Variants in SEPTIN9 observed in about 807,000 individuals in gnomAD.
The protein encoded by SEPTIN9 is septin-9.
A neutral mutation model predicts 56.6 loss-of-function variants in SEPTIN9; 13 were observed. That is an observed-to-expected ratio of 0.23 (90% CI 0.15 to 0.37). SEPTIN9 has a LOEUF of 0.37. SEPTIN9 is among the 10% of genes least tolerant of loss of function. The pLI, the probability that SEPTIN9 is intolerant of heterozygous loss-of-function variation, is 1.00. For synonymous variants in SEPTIN9, 332 were observed against 334.1 expected (o/e 0.99, Z 0.07); for missense variants, 650 against 823.1 (o/e 0.79, Z 2.57).
chr17:77,359,041 C>T (rs191135944), intron 2 of SEPTIN9, among the ~76,000 whole-genome samples: 1 of 152,302 alleles, frequency 6.6e-6, no homozygotes, highest in East Asian at 1.9e-4. Flanking sequence ...TGTCTGCACT[C>T]CAGCCAGAGG....
chr17:77,365,851 A>C (rs979870801), intron 2 of SEPTIN9, among the ~76,000 whole-genome samples: 2 of 152,152 alleles, frequency 1.3e-5, no homozygotes, highest in African/African-American at 4.8e-5. Context: ...CTTTGAAAAT[A>C]AATGCTTTCT....
Position 77,450,640 on chromosome 17 carries a change from C to A in SEPTIN9, c.722-31504C>A. 2.0e-6 allele frequency: 2 copies of A among 985,918 alleles called. No individual in the cohort carries two copies. The highest frequency in any genetic ancestry group is 2.4e-6 in the Non-Finnish European group (2 of 830,346). 61.1% of individuals were successfully genotyped at this position (985,918 alleles called of 1,614,324 possible). A position where few individuals can be genotyped will look rare whatever the true frequency, so the allele number is the denominator to read the frequency against. On this transcript the variant is annotated intron_variant, in intron 3 of 11. Transcript: ENST00000427177. The surrounding 1 kb of genome is among the most constrained non-coding windows in gnomAD (Gnocchi z 6.0). ...TCTGGGGACCCCCTTGCTTGTGCCC[C>A]TCTGGGTCCCAGCACATCCCAGGCC...
intron 3 of SEPTIN9, among the ~76,000 whole-genome samples, chr17:77,455,672 G>A (rs1220469956): frequency 6.6e-6 from 1 of 152,202 alleles, no homozygotes; most frequent in African/African-American, 2.4e-5. Flanking sequence ...GGTTGATGGT[G>A]CCGTCTCTCT....
At position 77,415,207 on chromosome 17, in the gene SEPTIN9, G is replaced by T. The variant is rs552460866; in HGVS notation, c.721+12504G>T. 3.7e-4 allele frequency among the ~76,000 whole-genome samples: 57 copies of T among 152,318 alleles called. No individual in the cohort carries two copies. The South Asian group carries it at 8.1e-3, about 22-fold the overall frequency. On this transcript the variant is annotated intron_variant, in intron 3 of 11. Coordinates refer to ENST00000427177, the MANE Select transcript of SEPTIN9 (RefSeq NM_001113491.2). ...GGCCAGGAGGTGGCCAGGTGGAGGC[G>T]GCTGGAGCGGCCCTGGGTTGCCTCT...
In SEPTIN9 at chr17:77,458,053, AGAGGGCTGCAGGACAGTCCCCAGC is replaced by A. The variant is rs879634524; in HGVS notation, c.722-24087_722-24064del. Among the ~76,000 whole-genome samples, 122 of 152,264 alleles carry A rather than the reference AGAGGGCTGCAGGACAGTCCCCAGC, an allele frequency of 8.0e-4. No homozygotes were observed. In the Middle Eastern group the frequency reaches 0.02, roughly 25 times the overall value. ...GCTGGATTTTCTGCCTGTCCCGATG[AGAGGGCTGCAGGACAGTCCCCAGC>A]GAGCCCTTCTGAGGGCTGTAACCTC... On this transcript the variant is annotated intron_variant, in intron 3 of 11. Coordinates refer to ENST00000427177, the MANE Select transcript of SEPTIN9 (RefSeq NM_001113491.2).
In SEPTIN9 at chr17:77,437,325, G is replaced by A. The variant is rs990206315; in HGVS notation, c.721+34622G>A. Among the ~76,000 whole-genome samples, 5 of 152,132 alleles carry A rather than the reference G, an allele frequency of 3.3e-5. No homozygotes were observed. Among genetic ancestry groups the A allele is most frequent in the Non-Finnish European group, 5.9e-5 (4 of 68,016 alleles). Reference sequence around the variant, plus strand: ...GCCTGGTTCCCAGGGATGGAGCACCGACCCCTCCCTTCTACACCCCCACCC... The same window carrying A: ...GCCTGGTTCCCAGGGATGGAGCACCAACCCCTCCCTTCTACACCCCCACCC... On this transcript the variant is annotated intron_variant, in intron 3 of 11. Transcript: ENST00000427177. This position sits in a 1 kb window ranked among gnomAD's most constrained non-coding sequence, Gnocchi z 5.3.
chr17:77,427,965 C>T (rs1055216729), intron 3 of SEPTIN9, among the ~76,000 whole-genome samples: 3 of 152,212 alleles, frequency 2.0e-5, no homozygotes, highest in Non-Finnish European at 2.9e-5. Flanking sequence ...CCCAGTTAGC[C>T]TGGTTTTCGT....
chr17:77,429,478 G>A lies in SEPTIN9; in HGVS notation c.721+26775G>A, dbSNP rs1456204476. On this transcript the variant is annotated intron_variant, in intron 3 of 11. Transcript: ENST00000427177. The surrounding 1 kb of genome is among the most constrained non-coding windows in gnomAD (Gnocchi z 5.2). Reference sequence around the variant, plus strand: ...TTGTGGGGATGTTGGCAGAGAATCAGAGAGGGCATCCAAAAAGGCCAACAG... The same window carrying A: ...TTGTGGGGATGTTGGCAGAGAATCAAAGAGGGCATCCAAAAAGGCCAACAG... 2 of 372,030 alleles carry A rather than the reference G, an allele frequency of 5.4e-6. No homozygotes were observed. The highest frequency in any genetic ancestry group is 3.7e-5 in the Admixed American group (1 of 27,168). 23.0% of individuals were successfully genotyped at this position (372,030 alleles called of 1,614,324 possible).
rs149639797 is a variant in SEPTIN9, at chr17:77,317,312, G to A, written c.76+10115G>A. On this transcript the variant is annotated intron_variant, in intron 2 of 11. Coordinates refer to ENST00000427177, the MANE Select transcript of SEPTIN9 (RefSeq NM_001113491.2). This position sits in a 1 kb window ranked among gnomAD's most constrained non-coding sequence, Gnocchi z 4.2. ...CTCTAGGGCAGGGGTTCCCAGCCCC[G>A]TGTGTCCTATTAGGAACTGGCCTGC... is the stretch of plus-strand genomic sequence containing the variant. Among the ~76,000 whole-genome samples, 5 of 152,310 alleles carry A rather than the reference G, an allele frequency of 3.3e-5. No individual in the cohort carries two copies. The highest frequency in any genetic ancestry group is 7.4e-5 in the Non-Finnish European group (5 of 68,022).
rs532002279 is a variant in SEPTIN9, at chr17:77,415,812, A to G, written c.721+13109A>G. On this transcript the variant is annotated intron_variant, in intron 3 of 11. Transcript: ENST00000427177. ...GGACGGTGCGGAGGCATAAGGAGCA[A>G]AATAAGGCAGATGCAGTGGCTCAGT... 5.5e-4 allele frequency among the ~76,000 whole-genome samples: 84 copies of G among 152,224 alleles called. 1 individual carries two copies. The highest frequency in any genetic ancestry group is 3.9e-3 in the Admixed American group (60 of 15,296).
chr17:77,339,691 G>C (rs1192696157), intron 2 of SEPTIN9, among the ~76,000 whole-genome samples: 1 of 151,412 alleles, frequency 6.6e-6, no homozygotes, highest in Admixed American at 6.6e-5. Context: ...TGTATTTTTT[G>C]TAGAAACAGG....
In SEPTIN9 at chr17:77,479,425, C is replaced by CTGCG. The variant is rs539161836; in HGVS notation, c.722-2711_722-2708dup. On this transcript the variant is annotated intron_variant, in intron 3 of 11. Coordinates refer to ENST00000427177, the MANE Select transcript of SEPTIN9 (RefSeq NM_001113491.2). Reference sequence around the variant, plus strand: ...GCGAGGCGGGCTCTTGCATTGCTCTCTGCGTGCGTGCCTGCCTGCGGGCCA... The same window carrying CTGCG: ...GCGAGGCGGGCTCTTGCATTGCTCTCTGCGTGCGTGCGTGCCTGCCTGCGGGCCA... Among the ~76,000 whole-genome samples, 304 of 152,358 alleles carry CTGCG rather than the reference C, an allele frequency of 2.0e-3. 2 individuals are homozygous for CTGCG. The highest frequency in any genetic ancestry group is 4.7e-3 in the African/African-American group (197 of 41,588).
At chr17:77,460,254 CAG>C (rs1358716566) in intron 3 of SEPTIN9, among the ~76,000 whole-genome samples, 4 of 152,090 alleles carry the variant, frequency 2.6e-5, no homozygotes, top group African/African-American at 9.7e-5. Flanking sequence ...AGAAATGACT[CAG>C]GGATGGGAGG....
Position 77,350,610 on chromosome 17 carries a change from A to AGTGTGTGTGTGTGTGTGTGT in SEPTIN9, c.76+43422_76+43441dup, listed in dbSNP as rs57851361. Among the ~76,000 whole-genome samples the AGTGTGTGTGTGTGTGTGTGT allele has an allele frequency of 6.0e-3, 899 of 149,486 alleles. 6 individuals are homozygous for AGTGTGTGTGTGTGTGTGTGT. Among genetic ancestry groups the AGTGTGTGTGTGTGTGTGTGT allele is most frequent in the African/African-American group, 0.015 (595 of 40,702 alleles). ...CTGCCTCTCTTCTCTCCTCCAGTGC[A>AGTGTGTGTGTGTGTGTGTGT]GTGTGTGTGTGTGTGTGTGTGTGTG... On this transcript the variant is annotated intron_variant, in intron 2 of 11. Coordinates refer to ENST00000427177, the MANE Select transcript of SEPTIN9 (RefSeq NM_001113491.2).
At chr17:77,401,150 G>A (rs560018125) in intron 2 of SEPTIN9, among the ~76,000 whole-genome samples, 2 of 152,236 alleles carry the variant, frequency 1.3e-5, no homozygotes, top group African/African-American at 2.4e-5. Context: ...TGTCTACCCC[G>A]TGCCCCACTT....
intron 1 of SEPTIN9, among the ~76,000 whole-genome samples, chr17:77,290,156 G>T (rs8064818): frequency 0.13 from 20,127 of 152,076 alleles, 1,468 homozygotes; most frequent in Middle Eastern, 0.15. Flanking sequence ...CTGAAGGGTG[G>T]TGTCCTGAGT....
intron 2 of SEPTIN9, among the ~76,000 whole-genome samples, chr17:77,382,386 G>C (rs979863457): frequency 5.9e-5 from 9 of 152,250 alleles, no homozygotes; most frequent in Non-Finnish European, 1.3e-4. Flanking sequence ...GTCTGTGCCT[G>C]GCACAGCTGC....
chr17:77,377,443 G>GCGGT (rs1424188427), intron 2 of SEPTIN9, among the ~76,000 whole-genome samples: 1 of 152,240 alleles, frequency 6.6e-6, no homozygotes, highest in Non-Finnish European at 1.5e-5. Context: ...GCTTTGCTCA[G>GCGGT]CGGTGTTTGC....
rs118140350 is a variant in SEPTIN9 at position 77,410,195 on chromosome 17, A to G, written c.721+7492A>G. On this transcript the variant is annotated intron_variant, in intron 3 of 11. Transcript: ENST00000427177. The stretch of plus-strand genomic sequence containing the variant: ...GGGTTAAAGTGGAGATGCTCTGATT[A>G]AAGTTGAGGGAGGCATGGAGCTCCC... Among the ~76,000 whole-genome samples the G allele has an allele frequency of 1.7e-3, 262 of 152,208 alleles. 1 individual carries two copies. The highest frequency in any genetic ancestry group is 3.1e-3 in the Non-Finnish European group (209 of 67,998).
Sources: gnomAD v4.1 joint callset for allele counts (sites outside exome capture counted in the v4.1 genomes callset) on GRCh38, gnomAD v4.1.1 for gene constraint, Gnocchi (gnomAD v3.1) non-coding constraint, MANE v1.5 for transcripts, NCBI Gene and HGNC (gene_info 2026-07-23, HGNC 2026-07-21) for gene names.